XKR6: variants seen among roughly 807,000 people sequenced by gnomAD.
XKR6 encodes XK related 6, also known as XK-related protein 6.
Under a neutral mutation model 56.7 loss-of-function variants are expected in XKR6, and 22 were observed. The observed-to-expected ratio is 0.39, with a 90% CI of 0.28 to 0.55. The LOEUF (loss-of-function observed/expected upper bound fraction) is 0.55. Among genes scored for constraint, XKR6 ranks in the 20% least tolerant of loss-of-function variants. XKR6 has a pLI of 0.66. For missense variants in XKR6, 852 were observed against 889.0 expected, an observed-to-expected ratio of 0.96 and a Z score of 0.53; for synonymous variants, 524 against 387.8, an observed-to-expected ratio of 1.35 and a Z score of -4.13.
chr8:11,180,763 C>T (rs1802929197), intron 1 of XKR6, among the ~76,000 whole-genome samples: 1 of 151,852 alleles, frequency 6.6e-6, no homozygotes, highest in Non-Finnish European at 1.5e-5. Context: ...AAAAATTAGC[C>T]AGGTGTGGTG....
chr8:11,000,291 A>G (rs896532453), intron 1 of XKR6, among the ~76,000 whole-genome samples: 3 of 152,202 alleles, frequency 2.0e-5, no homozygotes, highest in African/African-American at 4.8e-5. Context: ...CTAGTGAGGA[A>G]ACAGTTTGCA....
At chr8:10,969,244 G>A (rs1022248900) in intron 1 of XKR6, among the ~76,000 whole-genome samples, 2 of 152,142 alleles carry the variant, frequency 1.3e-5, no homozygotes, top group Admixed American at 6.5e-5. Flanking sequence ...TAGATGCATG[G>A]TTCCTGAAAC....
At chr8:11,174,719 T>G (rs6601565) in intron 1 of XKR6, among the ~76,000 whole-genome samples, 88,336 of 151,948 alleles carry the variant, frequency 0.58, 29,058 homozygotes, top group African/African-American at 0.88. Flanking sequence ...ACAGGACAGA[T>G]GCCCTGCCCT....
At chr8:11,109,898 G>A (rs1051122758) in intron 1 of XKR6, among the ~76,000 whole-genome samples, 1 of 152,146 alleles carries the variant, frequency 6.6e-6, no homozygotes, top group Non-Finnish European at 1.5e-5. Context: ...ATAAGAAAAT[G>A]ACTAAACAGC....
At chr8:10,924,979 G>A in intron 1 of XKR6, 149 bp from the exon 2 acceptor site, 2 of 843,212 alleles carry the variant, frequency 2.4e-6, no homozygotes, top group Non-Finnish European at 3.6e-6. Context: ...GGGCTCTGGG[G>A]GGCTCCCGGC....
At chr8:10,989,603 G>C (rs556083373) in intron 1 of XKR6, among the ~76,000 whole-genome samples, 20 of 140,648 alleles carry the variant, frequency 1.4e-4, no homozygotes, top group Admixed American at 7.6e-4. Flanking sequence ...GTAACATTCT[G>C]TAAGTTCCTT....
chr8:10,984,732 C>CTCTCTCTCTCTCTCTATATATA, intron 1 of XKR6, among the ~76,000 whole-genome samples: 41 of 47,472 alleles, frequency 8.6e-4, no homozygotes, highest in Non-Finnish European at 1.1e-3. Flanking sequence ...CTCTCTCTCT[C>CTCTCTCTCTCTCTCTATATATA]TATATATATA....
chr8:11,124,543 A>G, intron 1 of XKR6: 1 of 159,412 alleles, frequency 6.3e-6, no homozygotes, highest in Non-Finnish European at 1.4e-5. Flanking sequence ...ATTGACTGAT[A>G]AACTGATCAA....
chr8:11,086,148 A>ATATATATTT (rs71203369), intron 1 of XKR6, among the ~76,000 whole-genome samples: 6 of 120,742 alleles, frequency 5.0e-5, no homozygotes, highest in African/African-American at 2.3e-4. Flanking sequence ...ATATATATAT[A>ATATATATTT]TTTTTTTTTA....
In XKR6 at chr8:10,899,231, T is replaced by A. The variant is rs754683660; in HGVS notation, c.962-315A>T. 8.5e-5 allele frequency among the ~76,000 whole-genome samples: 13 copies of A among 152,342 alleles called. No homozygotes were observed. In the South Asian group the frequency reaches 1.0e-3, roughly 12 times the overall value. On this transcript the variant is annotated intron_variant, in intron 2 of 2. Transcript: ENST00000416569. ...TCTGCCATGGGCAGCCCTTTGTGGG[T>A]TCCGCCTTAAGGAATCATGCGATTC...
intron 1 of XKR6, among the ~76,000 whole-genome samples, chr8:11,089,894 A>G (rs1272179690): frequency 6.6e-6 from 1 of 152,158 alleles, no homozygotes; most frequent in Non-Finnish European, 1.5e-5. Flanking sequence ...ATACTTATTC[A>G]TATGCACACA....
At chr8:11,058,153 G>A (rs180878320) in intron 1 of XKR6, among the ~76,000 whole-genome samples, 19 of 152,298 alleles carry the variant, frequency 1.2e-4, no homozygotes, top group Admixed American at 1.1e-3. Flanking sequence ...TGTGGGAGGC[G>A]GTGGTATCTT....
At chr8:10,914,701 G>A (rs1003182915) in intron 2 of XKR6, among the ~76,000 whole-genome samples, 1 of 151,820 alleles carries the variant, frequency 6.6e-6, no homozygotes, top group Non-Finnish European at 1.5e-5. Context: ...TTGTGAGGGG[G>A]GCTCCTTAAC....
At chr8:11,073,006 C>T (rs772270588) in intron 1 of XKR6, among the ~76,000 whole-genome samples, 20 of 150,952 alleles carry the variant, frequency 1.3e-4, no homozygotes, top group Non-Finnish European at 1.9e-4. Flanking sequence ...GCCAAGATCG[C>T]GCCTCTGTAC....
chr8:11,188,263 C>A (rs913145057), intron 1 of XKR6, among the ~76,000 whole-genome samples: 1 of 152,192 alleles, frequency 6.6e-6, no homozygotes, highest in African/African-American at 2.4e-5. Context: ...CTTGGGTACA[C>A]ACCAACCCTT....
intron 1 of XKR6, among the ~76,000 whole-genome samples, chr8:10,997,276 C>T (rs1419149759): frequency 1.3e-5 from 2 of 152,208 alleles, no homozygotes; most frequent in Non-Finnish European, 2.9e-5. Flanking sequence ...TTTTTCTGTG[C>T]TCCAAGAACT....
chr8:11,122,929 T>G (rs1483940403), intron 1 of XKR6, among the ~76,000 whole-genome samples: 1 of 152,116 alleles, frequency 6.6e-6, no homozygotes, highest in African/African-American at 2.4e-5. Context: ...AAGTTAAAAT[T>G]TAAGTGATTA....
chr8:10,951,212 T>C (rs1801708938), intron 1 of XKR6, among the ~76,000 whole-genome samples: 1 of 148,796 alleles, frequency 6.7e-6, no homozygotes, highest in Admixed American at 6.8e-5. Flanking sequence ...AGTGTTCAAA[T>C]GAGCAAATAG....
At chr8:11,070,672 C>T (rs1800092073) in intron 1 of XKR6, among the ~76,000 whole-genome samples, 1 of 152,196 alleles carries the variant, frequency 6.6e-6, no homozygotes, top group African/African-American at 2.4e-5. Flanking sequence ...CTCACATTTA[C>T]ATAGCACTTC....
Sources: allele counts gnomAD v4.1 joint callset (sites outside exome capture counted in the v4.1 genomes callset), GRCh38; gene constraint gnomAD v4.1.1; transcripts MANE v1.5; gene names NCBI Gene and HGNC (gene_info 2026-07-23, HGNC 2026-07-21).